SELPLG: variants seen among roughly 807,000 people sequenced by gnomAD.
SELPLG encodes the protein P-selectin glycoprotein ligand 1.
In SELPLG, 2 loss-of-function variants were observed where a neutral mutation model predicts 1.1. The ratio of observed to expected loss-of-function variants is 1.82; its 90% CI spans 0.74 to 5.71. The LOEUF is 5.71. Among genes scored for constraint, SELPLG ranks in the 30% most tolerant of loss-of-function variants. The pLI, the probability that SELPLG is intolerant of heterozygous loss-of-function variation, is 0.05. For synonymous variants in SELPLG, 230 were observed against 221.2 expected (o/e 1.04, Z -0.35); for missense variants, 478 against 524.7 (o/e 0.91, Z 0.87).
Position 108,623,185 on chromosome 12 carries a change from C to T in SELPLG, c.1123G>A (p.Gly375Arg), listed in dbSNP as rs530229175. 1 of 1,613,742 alleles carries T rather than the reference C, an allele frequency of 6.2e-7. No homozygotes were observed. The change falls in exon 2 of 2, where the codon GGG (glycine) becomes AGG (arginine). Residue 375 changes from glycine (G) to arginine (R), a missense_variant. Transcript: ENST00000550948. ...ISSLLPDGGE[G>R]PSATANGGLS... ...CCCCCATTGGCTGTGGCAGAGGGCCCCTCACCCCCATCAGGCAACAGGGAT... is the reference window on the plus strand; with the variant it reads ...CCCCCATTGGCTGTGGCAGAGGGCCTCTCACCCCCATCAGGCAACAGGGAT...
At chr12:108,624,554 T>C (rs1472823830) in intron 1 of SELPLG, among the ~76,000 whole-genome samples, 1 of 152,204 alleles carries the variant, frequency 6.6e-6, no homozygotes, top group Non-Finnish European at 1.5e-5. Context: ...TTCTTCTAGA[T>C]GGTGCATAGA....
At chr12:108,632,536 A>G (rs1331757288) in intron 1 of SELPLG, among the ~76,000 whole-genome samples, 2 of 150,764 alleles carry the variant, frequency 1.3e-5, no homozygotes, top group African/African-American at 4.9e-5. Context: ...TTTTTTTGAG[A>G]CAGGGTCTCA....
At chr12:108,632,065 G>T in intron 1 of SELPLG, 1 of 718,336 alleles carries the variant, frequency 1.4e-6, no homozygotes, top group Non-Finnish European at 2.3e-6. Context: ...ACCCTCCAAG[G>T]TTCTCGGATG....
chr12:108,626,582 G>A (rs1477129734), intron 1 of SELPLG, among the ~76,000 whole-genome samples: 1 of 152,076 alleles, frequency 6.6e-6, no homozygotes, highest in African/African-American at 2.4e-5. Context: ...CTGCAGCTTC[G>A]ACCTCCTAGG....
chr12:108,625,701 G>A (rs550383542), intron 1 of SELPLG, among the ~76,000 whole-genome samples: 1 of 152,226 alleles, frequency 6.6e-6, no homozygotes, highest in Non-Finnish European at 1.5e-5. Flanking sequence ...CCTCTTGTTT[G>A]GTCATCTCAT....
intron 1 of SELPLG, among the ~76,000 whole-genome samples, chr12:108,633,425 C>T (rs1296266666): frequency 6.6e-6 from 1 of 152,046 alleles, no homozygotes; most frequent in Non-Finnish European, 1.5e-5. Flanking sequence ...CACTTGTGCC[C>T]AGGAGTTTAA....
In SELPLG at chr12:108,632,054, C is replaced by T. The variant is rs8179114; in HGVS notation, c.-6+1686G>A. 2.8e-4 allele frequency: 226 copies of T among 814,012 alleles called. No homozygotes were observed. The African/African-American group carries it at 3.0e-3, about 11-fold the overall frequency. 50.4% of individuals were successfully genotyped at this position (814,012 alleles called of 1,614,324 possible). Reference sequence around the variant, plus strand: ...TCTCATCTGTAAAAGGGGCACTGTCCACCCTCCAAGGTTCTCGGATGATTG... The same window carrying T: ...TCTCATCTGTAAAAGGGGCACTGTCTACCCTCCAAGGTTCTCGGATGATTG... On this transcript the variant is annotated intron_variant, in intron 1 of 1. Transcript: ENST00000550948.
rs2031845934 is a variant in SELPLG at position 108,622,844 on chromosome 12, T to C, written c.*225A>G. 2.1e-6 allele frequency: 1 copy of C among 485,810 alleles called. No homozygotes were observed. Among genetic ancestry groups the C allele is most frequent in the Non-Finnish European group, 3.6e-6 (1 of 277,992 alleles). The allele number at this position is 485,810 out of a possible 1,614,324, so 30.1% of individuals were successfully genotyped here. ...CCTTGGACCTCGGCTGAAATGTGGCTGGGCTTCATCCGCGGAGGGAGGAAA... is the reference window on the plus strand; with the variant it reads ...CCTTGGACCTCGGCTGAAATGTGGCCGGGCTTCATCCGCGGAGGGAGGAAA... On this transcript the variant is annotated 3_prime_UTR_variant, in exon 2 of 2. Transcript: ENST00000550948.
intron 1 of SELPLG, among the ~76,000 whole-genome samples, chr12:108,630,410 C>T (rs971383664): frequency 2.6e-5 from 4 of 152,192 alleles, no homozygotes; most frequent in South Asian, 4.1e-4. Context: ...GTGGTCAGAG[C>T]GGGCAGGATC....
intron 1 of SELPLG, chr12:108,631,966 G>A: frequency 6.5e-7 from 1 of 1,531,714 alleles, no homozygotes; most frequent in South Asian, 1.2e-5. Context: ...AACTCCATGG[G>A]CATCCTGCAG....
rs138086745 is a variant in SELPLG, at chr12:108,625,837, G to A, written c.-5-1525C>T. ...TTCTATGCTGAGAATCCTATGGTGA[G>A]TGACAGCCACGTTCTGGGGCAGGAT... On this transcript the variant is annotated intron_variant, in intron 1 of 1. Coordinates refer to ENST00000550948, the MANE Select transcript of SELPLG (RefSeq NM_003006.4). Among the ~76,000 whole-genome samples, 110 of 152,302 alleles carry A rather than the reference G, an allele frequency of 7.2e-4. 1 individual carries two copies. The highest frequency in any genetic ancestry group is 2.5e-3 in the African/African-American group (104 of 41,566).
rs774283363 is a variant in SELPLG, at chr12:108,624,095, A to G, written c.213T>C (p.Pro71=). Residue 71 remains proline (P), a synonymous_variant, in exon 2 of 2, where the codon CCT becomes CCC. Coordinates refer to ENST00000550948, the MANE Select transcript of SELPLG (RefSeq NM_003006.4). ...ACTCAGGGGTTCCAGGCCCAGTCAG[A>G]GGAGTGGTGTCAGTGCTGTTCCTCA... ...EMLRNSTDTT[P]LTGPGTPEST... 6.2e-7 allele frequency: 1 copy of G among 1,614,210 alleles called. No homozygotes were observed. Among genetic ancestry groups the G allele is most frequent in the South Asian group, 1.1e-5 (1 of 91,086 alleles).
chr12:108,622,573 G>GA lies in SELPLG; in HGVS notation c.*495dup, dbSNP rs1201789666. 2 of 153,808 alleles carry GA rather than the reference G, an allele frequency of 1.3e-5. No homozygotes were observed. The highest frequency in any genetic ancestry group is 2.9e-5 in the Non-Finnish European group (2 of 69,170). 9.5% of individuals were successfully genotyped at this position (153,808 alleles called of 1,614,324 possible). On this transcript the variant is annotated 3_prime_UTR_variant, in exon 2 of 2. Transcript: ENST00000550948. The stretch of plus-strand genomic sequence containing the variant: ...AGAGGAGCAGCAGGAAACAGCCTCA[G>GA]AAGTCCGTCACTCTTCAGTACTCCT...
At chr12:108,625,927 C>G (rs2031928027) in intron 1 of SELPLG, among the ~76,000 whole-genome samples, 1 of 152,100 alleles carries the variant, frequency 6.6e-6, no homozygotes, top group African/African-American at 2.4e-5. Flanking sequence ...AGAATAGTGT[C>G]TGATGCAGAG....
intron 1 of SELPLG, among the ~76,000 whole-genome samples, chr12:108,626,622 G>A (rs2031941264): frequency 1.3e-5 from 2 of 151,946 alleles, no homozygotes; most frequent in Admixed American, 1.3e-4. Context: ...TCAGCCTCCT[G>A]AGTAGTAGGG....
chr12:108,628,853 T>C (rs1237080618), intron 1 of SELPLG: 1 of 152,210 alleles, frequency 6.6e-6, no homozygotes. Context: ...GAATCCCACA[T>C]TTGCCCCCAC....
Position 108,624,065 on chromosome 12 carries a change from G to A in SELPLG, c.243C>T (p.Thr81=), listed in dbSNP as rs753458286. 6.2e-7 allele frequency: 1 copy of A among 1,614,228 alleles called. No individual in the cohort carries two copies. Among genetic ancestry groups the A allele is most frequent in the Non-Finnish European group, 8.5e-7 (1 of 1,180,042 alleles). The change falls in exon 2 of 2, where the codon ACC becomes ACT. Residue 81 remains threonine, a synonymous_variant. Coordinates refer to ENST00000550948, the MANE Select transcript of SELPLG (RefSeq NM_003006.4). ...PLTGPGTPES[T]TVEPAARRST... ...AACGCCTTGCAGCAGGCTCCACAGT[G>A]GTAGACTCAGGGGTTCCAGGCCCAG...
intron 1 of SELPLG, among the ~76,000 whole-genome samples, chr12:108,631,583 GTATA>G (rs1479888212): frequency 6.6e-6 from 1 of 152,104 alleles, no homozygotes; most frequent in Non-Finnish European, 1.5e-5. Flanking sequence ...CAGATATGCT[GTATA>G]TCTGTTTAAT....
chr12:108,623,318 C>T lies in SELPLG; in HGVS notation c.990G>A (p.Val330=), dbSNP rs777400021. 2.3e-5 allele frequency: 37 copies of T among 1,614,128 alleles called. No homozygotes were observed. Among genetic ancestry groups the T allele is most frequent in the Non-Finnish European group, 2.8e-5 (33 of 1,180,058 alleles). The change falls in exon 2 of 2, where the codon GTG becomes GTA. Residue 330 remains valine (V), a synonymous_variant. Coordinates refer to ENST00000550948, the MANE Select transcript of SELPLG (RefSeq NM_003006.4). ...CLLAILILAL[V]ATIFFVCTVV... is the part of the protein sequence containing the mutation. ...CAGTGCACACGAAGAAGATAGTGGC[C>T]ACCAGCGCCAAGATTAGGATGGCCA... is the stretch of plus-strand genomic sequence containing the variant.
Sources: allele counts gnomAD v4.1 joint callset (sites outside exome capture counted in the v4.1 genomes callset), GRCh38; gene constraint gnomAD v4.1.1; transcripts MANE v1.5; gene names NCBI Gene and HGNC (gene_info 2026-07-23, HGNC 2026-07-21).